Variants in DLL4 observed in about 807,000 individuals in gnomAD.
DLL4 encodes delta like canonical Notch ligand 4.
A neutral mutation model predicts 73.6 loss-of-function variants in DLL4; 7 were observed. The ratio of observed to expected loss-of-function variants is 0.10; its 90% CI spans 0.05 to 0.18. The LOEUF (loss-of-function observed/expected upper bound fraction) is 0.18, where lower values mean the gene tolerates loss of function less well. DLL4 is among the 10% of genes least tolerant of loss of function. DLL4 has a pLI of 1.00. For missense variants in DLL4, 614 were observed against 929.9 expected (o/e 0.66, Z 4.42); for synonymous variants, 345 against 374.3 (o/e 0.92, Z 0.90).
chr15:40,930,302 TC>T lies in DLL4; in HGVS notation c.336+188del. 1.3e-6 allele frequency: 1 copy of T among 772,538 alleles called. No homozygotes were observed. 47.9% of individuals were successfully genotyped at this position (772,538 alleles called of 1,614,324 possible). On this transcript the variant is annotated intron_variant, in intron 2 of 10. Transcript: ENST00000249749. This position sits in a 1 kb window ranked among gnomAD's most constrained non-coding sequence, Gnocchi z 5.7. ...ATCCCAGAAAAGGCTCTCACCAGTC[TC>T]CGTCTTCCCAGTTTATGTCCTCCCG...
In DLL4 at chr15:40,938,719, C is replaced by T. The variant is rs1208550510; in HGVS notation, c.*685C>T. On this transcript the variant is annotated 3_prime_UTR_variant, in exon 11 of 11. Transcript: ENST00000249749. ...GTAAGCAGACAGGCAGAGGGCCTGCCCCTCCCACCAGCCAAGGGTGCCAGG... is the reference window on the plus strand; with the variant it reads ...GTAAGCAGACAGGCAGAGGGCCTGCTCCTCCCACCAGCCAAGGGTGCCAGG... 1 of 152,634 alleles carries T rather than the reference C, an allele frequency of 6.6e-6. No individual in the cohort carries two copies. Among genetic ancestry groups the T allele is most frequent in the Admixed American group, 6.5e-5 (1 of 15,288 alleles). The allele number at this position is 152,634 out of a possible 1,614,324, so 9.5% of individuals were successfully genotyped here. A position where few individuals can be genotyped will look rare whatever the true frequency, so the allele number is the denominator to read the frequency against.
chr15:40,930,488 A>G lies in DLL4; in HGVS notation c.337-137A>G. On this transcript the variant is annotated intron_variant, in intron 2 of 10. Transcript: ENST00000249749. The surrounding 1 kb of genome is among the most constrained non-coding windows in gnomAD (Gnocchi z 5.7). ...TCCCTGCTCAAGCGCTACACTGTGC[A>G]CAGCCCCGTTATGTTGACCCGGGCG... The G allele has an allele frequency of 1.3e-6, 1 of 768,122 alleles. No homozygotes were observed. Among genetic ancestry groups the G allele is most frequent in the Non-Finnish European group, 2.2e-6 (1 of 446,158 alleles). The allele number at this position is 768,122 out of a possible 1,614,324, so 47.6% of individuals were successfully genotyped here.
Position 40,934,884 on chromosome 15 carries a change from TG to T in DLL4, c.1021-12del. Reference sequence around the variant, plus strand: ...CCAGGGTCTGACTTTGGCCCCTTTATGGTCTCTCTCCAGGACCAGGAGGATG... The same window carrying T: ...CCAGGGTCTGACTTTGGCCCCTTTATGTCTCTCTCCAGGACCAGGAGGATG... On this transcript the variant is annotated splice_polypyrimidine_tract_variant and intron_variant, in intron 7 of 10. Transcript: ENST00000249749. 6.2e-7 allele frequency: 1 copy of T among 1,612,246 alleles called. No homozygotes were observed. Among genetic ancestry groups the T allele is most frequent in the East Asian group, 2.2e-5 (1 of 44,826 alleles).
Position 40,930,316 on chromosome 15 carries a change from TTA to T in DLL4, c.336+202_336+203del. Reference sequence around the variant, plus strand: ...TCTCACCAGTCTCCGTCTTCCCAGTTTATGTCCTCCCGTCCCCAGCTCTTGGG... The same window carrying T: ...TCTCACCAGTCTCCGTCTTCCCAGTTTGTCCTCCCGTCCCCAGCTCTTGGG... On this transcript the variant is annotated intron_variant, in intron 2 of 10. Transcript: ENST00000249749. The surrounding 1 kb of genome is among the most constrained non-coding windows in gnomAD (Gnocchi z 5.7). 1.4e-6 allele frequency: 1 copy of T among 729,052 alleles called. No homozygotes were observed. Among genetic ancestry groups the T allele is most frequent in the South Asian group, 1.9e-5 (1 of 53,180 alleles). The allele number at this position is 729,052 out of a possible 1,614,324, so 45.2% of individuals were successfully genotyped here. A position where few individuals can be genotyped will look rare whatever the true frequency, so the allele number is the denominator to read the frequency against.
chr15:40,937,312 C>G (rs938629913), intron 9 of DLL4, 106 bp from the exon 10 acceptor site: 130 of 820,638 alleles, frequency 1.6e-4, no homozygotes, highest in Non-Finnish European at 2.5e-4. Context: ...GCCCCTGTGT[C>G]TTCCCCAAGA....
In DLL4 at chr15:40,938,605, C is replaced by G. The variant is rs1366502838; in HGVS notation, c.*571C>G. On this transcript the variant is annotated 3_prime_UTR_variant, in exon 11 of 11. Coordinates refer to ENST00000249749, the MANE Select transcript of DLL4 (RefSeq NM_019074.4). ...GCTTTCTGCCCCATGCCTCCAACTA[C>G]TGTATGCAGGCCTGGCTCTCTGGTC... is the stretch of plus-strand genomic sequence containing the variant. 1 of 152,734 alleles carries G rather than the reference C, an allele frequency of 6.5e-6. No individual in the cohort carries two copies. Among genetic ancestry groups the G allele is most frequent in the Admixed American group, 6.5e-5 (1 of 15,296 alleles). The allele number at this position is 152,734 out of a possible 1,614,324, so 9.5% of individuals were successfully genotyped here. A position where few individuals can be genotyped will look rare whatever the true frequency, so the allele number is the denominator to read the frequency against.
chr15:40,931,386 C>A, intron 3 of DLL4, 117 bp from the exon 4 acceptor site: 2 of 1,291,560 alleles, frequency 1.5e-6, no homozygotes, highest in South Asian at 1.4e-5. Context: ...ATCTGGATAA[C>A]TGGGCTGATT....
At chr15:40,934,839 C>T (rs1354848026) in intron 7 of DLL4, 59 bp from the exon 8 acceptor site, 1 of 1,589,736 alleles carries the variant, frequency 6.3e-7, no homozygotes, top group Admixed American at 1.7e-5. Context: ...GCCCAGCCTT[C>T]AGTCACACAT....
rs1351916864 is a variant in DLL4, at chr15:40,929,654, G to A, written c.-15G>A. ...GATTGAGGGCCCGCGGGTGGAGAGA[G>A]CGACGCCCGAGGGGATGGCGGCAGC... is the stretch of plus-strand genomic sequence containing the variant. On this transcript the variant is annotated 5_prime_UTR_variant, in exon 1 of 11. Coordinates refer to ENST00000249749, the MANE Select transcript of DLL4 (RefSeq NM_019074.4). This position sits in a 1 kb window ranked among gnomAD's most constrained non-coding sequence, Gnocchi z 7.1. The A allele has an allele frequency of 3.3e-6, 5 of 1,523,844 alleles. No individual in the cohort carries two copies. The highest frequency in any genetic ancestry group is 1.3e-5 in the South Asian group (1 of 78,940). 94.4% of individuals were successfully genotyped at this position (1,523,844 alleles called of 1,614,324 possible).
At chr15:40,937,576 G>A (rs758519797) in intron 10 of DLL4, 50 bp downstream of exon 10, 2 of 1,369,958 alleles carry the variant, frequency 1.5e-6, no homozygotes. Context: ...AGGGAAAGTG[G>A]CCTGGTCACT....
At chr15:40,931,176 T>C in intron 3 of DLL4, 1 of 423,810 alleles carries the variant, frequency 2.4e-6, no homozygotes, top group Non-Finnish European at 4.2e-6. Context: ...GAGCTTTTCT[T>C]TCTTTTTCTC....
Position 40,938,220 on chromosome 15 carries a change from G to T in DLL4, c.*186G>T. Reference sequence around the variant, plus strand: ...AGATGCAATACCCTTCCACACCTTTGGGTGTCTGTCTGGCATCAGATTGGC... The same window carrying T: ...AGATGCAATACCCTTCCACACCTTTTGGTGTCTGTCTGGCATCAGATTGGC... On this transcript the variant is annotated 3_prime_UTR_variant, in exon 11 of 11. Coordinates refer to ENST00000249749, the MANE Select transcript of DLL4 (RefSeq NM_019074.4). 3.7e-6 allele frequency: 2 copies of T among 535,036 alleles called. No homozygotes were observed. Among genetic ancestry groups the T allele is most frequent in the Non-Finnish European group, 6.1e-6 (2 of 326,098 alleles). The allele number at this position is 535,036 out of a possible 1,614,324, so 33.1% of individuals were successfully genotyped here. A position where few individuals can be genotyped will look rare whatever the true frequency, so the allele number is the denominator to read the frequency against.
rs34268812 is a variant in DLL4 at position 40,938,933 on chromosome 15, G to GTTTTTTTTTTTTT, written c.*904_*916dup. 21 of 127,870 alleles carry GTTTTTTTTTTTTT rather than the reference G, an allele frequency of 1.6e-4. No individual in the cohort carries two copies. The highest frequency in any genetic ancestry group is 2.4e-4 in the Non-Finnish European group (14 of 59,172). The allele number at this position is 127,870 out of a possible 1,614,324, so 7.9% of individuals were successfully genotyped here. On this transcript the variant is annotated 3_prime_UTR_variant, in exon 11 of 11. Coordinates refer to ENST00000249749, the MANE Select transcript of DLL4 (RefSeq NM_019074.4). ...AATCAATAATATGAGTTTTTATTTT[G>GTTTTTTTTTTTTT]TTTTTTTTTTTTTTTTTGTAGTTTA...
chr15:40,930,162 G>A lies in DLL4; in HGVS notation c.336+46G>A, dbSNP rs1294556108. ...CTGGGAGGTCGCAGAAGCCGAGAGA[G>A]GAGGCGCCCTGGGACCAAAGCCCCC... On this transcript the variant is annotated intron_variant, in intron 2 of 10. Transcript: ENST00000249749. The surrounding 1 kb of genome is among the most constrained non-coding windows in gnomAD (Gnocchi z 5.7). 2 of 1,580,352 alleles carry A rather than the reference G, an allele frequency of 1.3e-6. No homozygotes were observed. The highest frequency in any genetic ancestry group is 4.6e-5 in the East Asian group (2 of 43,504).
Position 40,930,032 on chromosome 15 carries a change from G to A in DLL4, c.252G>A (p.Leu84=). 2 of 1,612,752 alleles carry A rather than the reference G, an allele frequency of 1.2e-6. No homozygotes were observed. Among genetic ancestry groups the A allele is most frequent in the Non-Finnish European group, 1.7e-6 (2 of 1,179,628 alleles). Reference sequence around the variant, plus strand: ...TCGGGACCGTCTCCACGCCGGTATTGGGCACCAACTCCTTCGCTGTCCGGG... The same window carrying A: ...TCGGGACCGTCTCCACGCCGGTATTAGGCACCAACTCCTTCGCTGTCCGGG... ...CTFGTVSTPV[L]GTNSFAVRDD... The change falls in exon 2 of 11, where the codon TTG becomes TTA. Residue 84 remains leucine, a synonymous_variant. Transcript: ENST00000249749. This position sits in a 1 kb window ranked among gnomAD's most constrained non-coding sequence, Gnocchi z 5.7.
chr15:40,933,268 T>TTGTGTGTGTG lies in DLL4; in HGVS notation c.850+843_850+852dup, dbSNP rs113508793. Among the ~76,000 whole-genome samples, 87 of 147,442 alleles carry TTGTGTGTGTG rather than the reference T, an allele frequency of 5.9e-4. No individual in the cohort carries two copies. In the South Asian group the frequency reaches 9.2e-3, roughly 16 times the overall value. On this transcript the variant is annotated intron_variant, in intron 6 of 10. Coordinates refer to ENST00000249749, the MANE Select transcript of DLL4 (RefSeq NM_019074.4). The stretch of plus-strand genomic sequence containing the variant: ...AGGGGCTTGGGATTCAGTCCCTGTG[T>TTGTGTGTGTG]TGTGTGTGTGTGTGTGTGTGTGTGT...
intron 8 of DLL4, 63 bp downstream of exon 8, chr15:40,935,180 AG>A: frequency 6.7e-7 from 1 of 1,484,198 alleles, no homozygotes. Flanking sequence ...ACTTCTGGTG[AG>A]GGAGGGTCAG....
Position 40,938,291 on chromosome 15 carries a change from G to C in DLL4, c.*257G>C, listed in dbSNP as rs1412321123. On this transcript the variant is annotated 3_prime_UTR_variant, in exon 11 of 11. Coordinates refer to ENST00000249749, the MANE Select transcript of DLL4 (RefSeq NM_019074.4). The stretch of plus-strand genomic sequence containing the variant: ...CAGAAGAGAAGAGAGATGCCACTGG[G>C]CACTGCCCTGCCAGTAGTGGCCTTC... The C allele has an allele frequency of 2.6e-6, 1 of 382,796 alleles. No individual in the cohort carries two copies. The highest frequency in any genetic ancestry group is 4.6e-6 in the Non-Finnish European group (1 of 215,484). 23.7% of individuals were successfully genotyped at this position (382,796 alleles called of 1,614,324 possible). A position where few individuals can be genotyped will look rare whatever the true frequency, so the allele number is the denominator to read the frequency against.
intron 5 of DLL4, 38 bp downstream of exon 5, chr15:40,932,269 C>T (rs1343383023): frequency 2.5e-6 from 4 of 1,613,888 alleles, no homozygotes; most frequent in Non-Finnish European, 2.5e-6. Context: ...GGGAGCCCTC[C>T]CTTGGCCAAG....
Sources: gnomAD v4.1 joint callset for allele counts (sites outside exome capture counted in the v4.1 genomes callset) on GRCh38, gnomAD v4.1.1 for gene constraint, Gnocchi (gnomAD v3.1) non-coding constraint, MANE v1.5 for transcripts, NCBI Gene and HGNC (gene_info 2026-07-23, HGNC 2026-07-21) for gene names.